CSMD1: variants seen among roughly 807,000 people sequenced by gnomAD.
The protein encoded by CSMD1 is CUB and sushi domain-containing protein 1.
CSMD1 carries 213 observed loss-of-function variants against 417.5 expected under a neutral mutation model. The observed-to-expected ratio is 0.51, with a 90% CI of 0.46 to 0.57. The LOEUF (loss-of-function observed/expected upper bound fraction) is 0.57. Ranked by LOEUF, CSMD1 falls within the 20% of genes least tolerant of loss-of-function variation. The pLI, the probability that CSMD1 is intolerant of heterozygous loss-of-function variation, is 0.00. For synonymous variants in CSMD1, 2,862 were observed against 1,736.8 expected (o/e 1.65, Z -16.11); for missense variants, 6,923 against 4,529.7 (o/e 1.53, Z -15.17).
chr8:4,453,290 C>G (rs1456533141), intron 2 of CSMD1, among the ~76,000 whole-genome samples: 4 of 152,024 alleles, frequency 2.6e-5, no homozygotes, highest in East Asian at 1.9e-4. Flanking sequence ...TGAATTTACA[C>G]TCCCACTGGC....
chr8:3,734,582 GC>G (rs1017111065), intron 6 of CSMD1, among the ~76,000 whole-genome samples: 3 of 152,102 alleles, frequency 2.0e-5, no homozygotes, highest in African/African-American at 7.2e-5. Flanking sequence ...CTGGTGGCGG[GC>G]ACCTATAATC....
At chr8:4,334,783 C>A (rs1800075367) in intron 3 of CSMD1, among the ~76,000 whole-genome samples, 1 of 152,052 alleles carries the variant, frequency 6.6e-6, no homozygotes, top group East Asian at 1.9e-4. Flanking sequence ...GCATTTTAGT[C>A]TGTTTGGGCT....
At chr8:4,252,086 G>C (rs995484423) in intron 3 of CSMD1, among the ~76,000 whole-genome samples, 1 of 152,130 alleles carries the variant, frequency 6.6e-6, no homozygotes. Flanking sequence ...TGAAACTGAT[G>C]AACAAAGAAA....
chr8:4,516,722 G>A (rs1386570648), intron 2 of CSMD1, among the ~76,000 whole-genome samples: 4 of 152,140 alleles, frequency 2.6e-5, no homozygotes, highest in Admixed American at 2.6e-4. Context: ...TGGGGTCTTT[G>A]CAAATCAATG....
At chr8:3,806,961 A>T (rs967907133) in intron 5 of CSMD1, among the ~76,000 whole-genome samples, 4 of 152,142 alleles carry the variant, frequency 2.6e-5, no homozygotes, top group Non-Finnish European at 5.9e-5. Context: ...CAACTGCTTA[A>T]TCTGATGATT....
At chr8:3,883,492 A>T (rs1282004095) in intron 5 of CSMD1, among the ~76,000 whole-genome samples, 6 of 152,110 alleles carry the variant, frequency 3.9e-5, no homozygotes, top group Non-Finnish European at 8.8e-5. Flanking sequence ...ACACAAATAT[A>T]CCTTTTCACT....
At chr8:3,435,222 C>G (rs1814473186) in intron 12 of CSMD1, among the ~76,000 whole-genome samples, 1 of 152,150 alleles carries the variant, frequency 6.6e-6, no homozygotes, top group African/African-American at 2.4e-5. Flanking sequence ...GAGCACAGAG[C>G]TCCCTGGGAA....
intron 3 of CSMD1, among the ~76,000 whole-genome samples, chr8:4,329,485 A>T (rs1389848279): frequency 1.3e-5 from 2 of 152,046 alleles, no homozygotes; most frequent in African/African-American, 4.8e-5. Context: ...ACGGCATTTC[A>T]CCACGTTGGC....
At chr8:3,247,808 C>T (rs985750836) in intron 26 of CSMD1, among the ~76,000 whole-genome samples, 2 of 152,160 alleles carry the variant, frequency 1.3e-5, no homozygotes, top group African/African-American at 2.4e-5. Context: ...CTAAGAATCA[C>T]AATGAAACCT....
At chr8:4,783,255 C>T (rs77122156) in intron 1 of CSMD1, among the ~76,000 whole-genome samples, 53 of 152,136 alleles carry the variant, frequency 3.5e-4, no homozygotes, top group Non-Finnish European at 5.3e-4. Context: ...ACTGTCAGAA[C>T]AGGAAATCAA....
At chr8:4,532,645 C>T in intron 2 of CSMD1, among the ~76,000 whole-genome samples, 1 of 148,312 alleles carries the variant, frequency 6.7e-6, no homozygotes, top group African/African-American at 2.6e-5. Context: ...AGAAATCCTG[C>T]ACCCCCATTC....
At chr8:4,937,330 T>C (rs1198482567) in intron 1 of CSMD1, among the ~76,000 whole-genome samples, 1 of 152,214 alleles carries the variant, frequency 6.6e-6, no homozygotes, top group East Asian at 1.9e-4. Flanking sequence ...TTTCCACTGT[T>C]TGTTTTTGTA....
chr8:2,997,201 A>G (rs1043798471), intron 54 of CSMD1, among the ~76,000 whole-genome samples: 1 of 152,228 alleles, frequency 6.6e-6, no homozygotes, highest in African/African-American at 2.4e-5. Context: ...CAGAGGTAGG[A>G]GTCTTTACTT....
intron 2 of CSMD1, among the ~76,000 whole-genome samples, chr8:4,608,151 G>A (rs1800981622): frequency 6.6e-6 from 1 of 152,122 alleles, no homozygotes; most frequent in South Asian, 2.1e-4. Context: ...AGGCATTAGA[G>A]GGGACCCTAG....
intron 1 of CSMD1, among the ~76,000 whole-genome samples, chr8:4,835,842 G>C (rs1216196567): frequency 6.6e-6 from 1 of 151,628 alleles, no homozygotes; most frequent in Admixed American, 6.6e-5. Flanking sequence ...TGTACATCAA[G>C]CCAACTACTA....
At chr8:3,392,258 A>C (rs1259507236) in intron 17 of CSMD1, among the ~76,000 whole-genome samples, 1 of 152,146 alleles carries the variant, frequency 6.6e-6, no homozygotes, top group African/African-American at 2.4e-5. Flanking sequence ...AGTATAATAA[A>C]AAAATAAAAT....
intron 2 of CSMD1, among the ~76,000 whole-genome samples, chr8:4,438,832 T>C (rs962693900): frequency 6.6e-6 from 1 of 152,182 alleles, no homozygotes; most frequent in Non-Finnish European, 1.5e-5. Context: ...ATTCTCAAAA[T>C]TGAAAGGTGT....
At chr8:3,005,006 G>A (rs1042767448) in intron 52 of CSMD1, among the ~76,000 whole-genome samples, 4 of 152,146 alleles carry the variant, frequency 2.6e-5, no homozygotes, top group Non-Finnish European at 2.9e-5. Context: ...GAGCAAGGTG[G>A]CACATGCCTG....
intron 2 of CSMD1, among the ~76,000 whole-genome samples, chr8:4,459,256 G>C (rs940122957): frequency 6.6e-6 from 1 of 152,192 alleles, no homozygotes; most frequent in Non-Finnish European, 1.5e-5. Context: ...AGAATAAAAG[G>C]TCAAAATGCT....
Sources: allele counts gnomAD v4.1 joint callset (sites outside exome capture counted in the v4.1 genomes callset), GRCh38; gene constraint gnomAD v4.1.1; transcripts MANE v1.5; gene names NCBI Gene and HGNC (gene_info 2026-07-23, HGNC 2026-07-21).